DTNA: variants seen among roughly 807,000 people sequenced by gnomAD.
DTNA encodes dystrobrevin alpha, also known as dystrophin-related protein 3.
A neutral mutation model predicts 100.7 loss-of-function variants in DTNA; 43 were observed. The observed-to-expected ratio is 0.43, with a 90% confidence interval of 0.33 to 0.55. The LOEUF (loss-of-function observed/expected upper bound fraction) is 0.55. Ranked by LOEUF, DTNA falls within the 20% of genes least tolerant of loss-of-function variation. DTNA has a pLI of 0.04. For synonymous variants in DTNA, 349 were observed against 347.9 expected (o/e 1.00, Z -0.04); for missense variants, 798 against 953.9 (o/e 0.84, Z 2.15).
intron 1 of DTNA, among the ~76,000 whole-genome samples, chr18:34,612,420 G>T (rs1023597165): frequency 2.6e-5 from 4 of 152,134 alleles, no homozygotes; most frequent in Admixed American, 2.6e-4. Context: ...CTGTACAAAT[G>T]CTCAACCTGA....
At chr18:34,537,801 A>G (rs983023141) in intron 1 of DTNA, among the ~76,000 whole-genome samples, 2 of 151,976 alleles carry the variant, frequency 1.3e-5, no homozygotes, top group African/African-American at 4.8e-5. Flanking sequence ...TAATGCTTTT[A>G]TAGGAAGGAG....
At chr18:34,829,118 T>C (rs755038822) in intron 10 of DTNA, 1 of 1,614,084 alleles carries the variant, frequency 6.2e-7, no homozygotes, top group Non-Finnish European at 8.5e-7. Flanking sequence ...TATAATACTT[T>C]GAGCTGTTCT....
intron 3 of DTNA, among the ~76,000 whole-genome samples, chr18:34,781,957 T>A (rs2094342241): frequency 6.6e-6 from 1 of 152,242 alleles, no homozygotes; most frequent in Admixed American, 6.5e-5. Context: ...CTGCCAGCCC[T>A]ATCGGTGCTC....
intron 1 of DTNA, among the ~76,000 whole-genome samples, chr18:34,673,024 A>T (rs2076961382): frequency 6.6e-6 from 1 of 152,056 alleles, no homozygotes; most frequent in Non-Finnish European, 1.5e-5. Flanking sequence ...TTGTCTCTTG[A>T]TCTATTTTTA....
intron 1 of DTNA, among the ~76,000 whole-genome samples, chr18:34,565,676 G>A (rs1232015950): frequency 6.6e-6 from 1 of 152,128 alleles, no homozygotes; most frequent in Non-Finnish European, 1.5e-5. Context: ...GTGTCTCTCT[G>A]TCTTCTCTTC....
At chr18:34,851,517 G>A (rs748979325) in intron 14 of DTNA, among the ~76,000 whole-genome samples, 7 of 152,186 alleles carry the variant, frequency 4.6e-5, no homozygotes, top group Non-Finnish European at 8.8e-5. Context: ...TAGGTACAAT[G>A]GGGACAGTGT....
chr18:34,875,370 G>A lies in DTNA; in HGVS notation c.1875G>A (p.Gly625=), dbSNP rs542483546. The stretch of plus-strand genomic sequence containing the variant: ...CGCAGGACTCCCTCACAGGAGTAGG[G>A]GGAGATGTACAAGAGGCATTTGCAC... ...HTPQDSLTGV[G]GDVQEAFAQS... Residue 625 remains glycine, a synonymous_variant, in exon 18 of 23, where the codon GGG becomes GGA. Coordinates refer to ENST00000444659, the MANE Select transcript of DTNA (RefSeq NM_001386795.1). 2.7e-4 allele frequency: 433 copies of A among 1,614,152 alleles called. 5 individuals are homozygous for A. The South Asian group carries it at 3.4e-3, about 13-fold the overall frequency.
chr18:34,859,908 AGGCTG>A (rs1462898507), intron 16 of DTNA, among the ~76,000 whole-genome samples: 1 of 152,248 alleles, frequency 6.6e-6, no homozygotes, highest in East Asian at 1.9e-4. Flanking sequence ...GCCTTGAATA[AGGCTG>A]GTATTCCAGT....
intron 1 of DTNA, among the ~76,000 whole-genome samples, chr18:34,744,191 A>G (rs1480367069): frequency 1.3e-5 from 2 of 152,194 alleles, no homozygotes; most frequent in Non-Finnish European, 2.9e-5. Flanking sequence ...GTACATCTCA[A>G]TGACACATAG....
chr18:34,726,876 C>T (rs890514549), intron 1 of DTNA, among the ~76,000 whole-genome samples: 1 of 152,202 alleles, frequency 6.6e-6, no homozygotes, highest in Admixed American at 6.5e-5. Context: ...GTGTGGGGCT[C>T]CAACCCCACA....
chr18:34,635,925 G>A (rs934087142), intron 1 of DTNA, among the ~76,000 whole-genome samples: 1 of 151,066 alleles, frequency 6.6e-6, no homozygotes, highest in Non-Finnish European at 1.5e-5. Context: ...AAAAAAACCT[G>A]TGAAATATCC....
At chr18:34,805,309 G>A (rs2095331983) in intron 4 of DTNA, among the ~76,000 whole-genome samples, 1 of 152,116 alleles carries the variant, frequency 6.6e-6, no homozygotes, top group Non-Finnish European at 1.5e-5. Context: ...TGGGTAGAAA[G>A]AAAGTGTTCA....
At chr18:34,572,738 C>T (rs1423352974) in intron 1 of DTNA, among the ~76,000 whole-genome samples, 1 of 152,274 alleles carries the variant, frequency 6.6e-6, no homozygotes, top group East Asian at 1.9e-4. Flanking sequence ...TCCCCCACTT[C>T]CATCTAACTC....
intron 10 of DTNA, 27 bp from the exon 11 acceptor site, chr18:34,829,373 T>C (rs577428925): frequency 7.0e-5 from 107 of 1,534,992 alleles, no homozygotes; most frequent in South Asian, 3.3e-4. Flanking sequence ...GAAGTTTTAA[T>C]GAGGTCTCAT....
At chr18:34,576,060 A>G (rs2048084299) in intron 1 of DTNA, among the ~76,000 whole-genome samples, 1 of 152,190 alleles carries the variant, frequency 6.6e-6, no homozygotes, top group Non-Finnish European at 1.5e-5. Flanking sequence ...TTTATAAAGC[A>G]AGCTTTAGTT....
chr18:34,806,195 T>G, intron 4 of DTNA, 24 bp from the exon 5 acceptor site: 1 of 1,609,316 alleles, frequency 6.2e-7, no homozygotes, highest in Non-Finnish European at 8.5e-7. Context: ...TTGTTTTTGT[T>G]TTTTTTCTAT....
intron 1 of DTNA, among the ~76,000 whole-genome samples, chr18:34,704,912 T>G (rs2081924422): frequency 6.6e-6 from 1 of 152,178 alleles, no homozygotes; most frequent in African/African-American, 2.4e-5. Context: ...TGAGAGAGAA[T>G]ATATCCATCA....
At chr18:34,570,447 G>A (rs1162658197) in intron 1 of DTNA, among the ~76,000 whole-genome samples, 1 of 152,160 alleles carries the variant, frequency 6.6e-6, no homozygotes, top group Non-Finnish European at 1.5e-5. Context: ...TGAAAGCAGG[G>A]ACAGAGTCTT....
chr18:34,499,268 A>G (rs1006041802), intron 1 of DTNA, among the ~76,000 whole-genome samples: 1 of 152,202 alleles, frequency 6.6e-6, no homozygotes, highest in African/African-American at 2.4e-5. Context: ...TTTTCCACTC[A>G]GCGTAGTTTT....
Sources: gnomAD v4.1 joint callset for allele counts (sites outside exome capture counted in the v4.1 genomes callset) on GRCh38, gnomAD v4.1.1 for gene constraint, MANE v1.5 for transcripts, NCBI Gene and HGNC (gene_info 2026-07-23, HGNC 2026-07-21) for gene names.